The following GAREM1 variants were observed in gnomAD, a reference collection of about 807,000 sequenced individuals.
The protein encoded by GAREM1 is GRB2 associated regulator of MAPK1 subtype 1.
A neutral mutation model predicts 71.3 loss-of-function variants in GAREM1; 26 were observed. The observed-to-expected ratio is 0.36, with a 90% CI of 0.27 to 0.51. The LOEUF is 0.51. GAREM1 is among the 20% of genes least tolerant of loss of function. The pLI is 0.95. For missense variants in GAREM1, 1,026 were observed against 1,103.1 expected, an observed-to-expected ratio of 0.93 and a Z score of 0.99; for synonymous variants, 440 against 433.2, an observed-to-expected ratio of 1.02 and a Z score of -0.20.
chr18:32,270,299 G>A lies in GAREM1; in HGVS notation c.1651C>T (p.Pro551Ser), dbSNP rs777824584. The change falls in exon 5 of 6, where the codon CCT becomes TCT. Residue 551 changes from proline (P) to serine (S), a missense_variant. Coordinates refer to ENST00000269209, the MANE Select transcript of GAREM1 (RefSeq NM_001242409.2). Reference sequence around the variant, plus strand: ...TGCCGCGCTGGCTTGACTGTGCGAGGAGGGATGGAGGGACTGGTGGACAAA... The same window carrying A: ...TGCCGCGCTGGCTTGACTGTGCGAGAAGGGATGGAGGGACTGGTGGACAAA... Reference protein sequence around the residue: ...KPLSTSPSIPPRTVKPARQQT... With the variant: ...KPLSTSPSIPSRTVKPARQQT... 5.6e-6 allele frequency: 9 copies of A among 1,614,062 alleles called. No homozygotes were observed. The East Asian group carries it at 1.6e-4, about 28-fold the overall frequency.
At chr18:32,432,057 A>T (rs961106511) in intron 1 of GAREM1, among the ~76,000 whole-genome samples, 3 of 152,204 alleles carry the variant, frequency 2.0e-5, no homozygotes, top group Non-Finnish European at 4.4e-5. Flanking sequence ...AAATAAAATA[A>T]TTTAAAAATT....
At chr18:32,275,548 G>A (rs2041528916) in intron 4 of GAREM1, among the ~76,000 whole-genome samples, 1 of 152,176 alleles carries the variant, frequency 6.6e-6, no homozygotes, top group Admixed American at 6.5e-5. Flanking sequence ...TGATGACAGG[G>A]TCAATGAGCA....
intron 2 of GAREM1, among the ~76,000 whole-genome samples, chr18:32,337,618 G>C (rs2047610099): frequency 6.6e-6 from 1 of 152,168 alleles, no homozygotes; most frequent in Non-Finnish European, 1.5e-5. Context: ...GCAGAATGCA[G>C]AATATTCAAA....
Position 32,287,271 on chromosome 18 carries a change from T to G in GAREM1, c.1326A>C (p.Ser442=). The change falls in exon 4 of 6, where the codon TCA becomes TCC. Residue 442 remains serine, a synonymous_variant. Coordinates refer to ENST00000269209, the MANE Select transcript of GAREM1 (RefSeq NM_001242409.2). This position sits in a 1 kb window ranked among gnomAD's most constrained non-coding sequence, Gnocchi z 5.9. ...DYLFPEASEE[S]AGIPGKSELP... Reference sequence around the variant, plus strand: ...GTTCTGACTTTCCCGGGATGCCTGCTGATTCTTCACTAGCTTCTGGGAAAA... The same window carrying G: ...GTTCTGACTTTCCCGGGATGCCTGCGGATTCTTCACTAGCTTCTGGGAAAA... The G allele has an allele frequency of 6.2e-7, 1 of 1,614,232 alleles. No homozygotes were observed. Among genetic ancestry groups the G allele is most frequent in the Non-Finnish European group, 8.5e-7 (1 of 1,180,040 alleles).
chr18:32,371,417 A>G (rs764636539), intron 2 of GAREM1, among the ~76,000 whole-genome samples: 8 of 152,226 alleles, frequency 5.3e-5, no homozygotes, highest in Non-Finnish European at 1.2e-4. Flanking sequence ...AGGCCCCTAT[A>G]AGTGAAAAAT....
intron 2 of GAREM1, among the ~76,000 whole-genome samples, chr18:32,336,697 A>C (rs1051148408): frequency 2.0e-5 from 3 of 152,132 alleles, no homozygotes; most frequent in Non-Finnish European, 2.9e-5. Flanking sequence ...CCACTCAAAC[A>C]CTCTGATGGA....
chr18:32,411,959 T>G (rs2048423019), intron 1 of GAREM1, among the ~76,000 whole-genome samples: 1 of 152,014 alleles, frequency 6.6e-6, no homozygotes, highest in Non-Finnish European at 1.5e-5. Context: ...AAAAAAAATC[T>G]ACATTAAAAC....
intron 3 of GAREM1, among the ~76,000 whole-genome samples, chr18:32,295,894 A>T (rs1234228106): frequency 6.6e-6 from 1 of 152,076 alleles, no homozygotes; most frequent in Non-Finnish European, 1.5e-5. Flanking sequence ...TTCGGTATTC[A>T]TCTGGTTCTA....
intron 1 of GAREM1, among the ~76,000 whole-genome samples, chr18:32,462,533 G>A (rs1023471486): frequency 1.3e-5 from 2 of 152,144 alleles, no homozygotes; most frequent in African/African-American, 4.8e-5. Context: ...TACATAGTTT[G>A]CAAATATTTT....
chr18:32,410,772 A>T (rs942590191), intron 1 of GAREM1, among the ~76,000 whole-genome samples: 1 of 152,230 alleles, frequency 6.6e-6, no homozygotes, highest in South Asian at 2.1e-4. Flanking sequence ...CTGTATAGAT[A>T]GAAGTCTCTC....
chr18:32,388,808 G>C (rs1157342778), intron 2 of GAREM1, among the ~76,000 whole-genome samples: 1 of 152,220 alleles, frequency 6.6e-6, no homozygotes, highest in Non-Finnish European at 1.5e-5. Flanking sequence ...AGTGGTCCTA[G>C]ACTGGATGTT....
intron 2 of GAREM1, among the ~76,000 whole-genome samples, chr18:32,355,899 C>T (rs2047800486): frequency 6.6e-6 from 1 of 152,146 alleles, no homozygotes; most frequent in Non-Finnish European, 1.5e-5. Context: ...TTAGAGAAGG[C>T]TTATTTTAGA....
chr18:32,288,285 T>TAC (rs2047047784), intron 3 of GAREM1, 82 bp from the exon 4 acceptor site: 10 of 1,106,804 alleles, frequency 9.0e-6, no homozygotes, highest in African/African-American at 3.1e-5. Flanking sequence ...CACACACAAA[T>TAC]ACACACACAG....
At chr18:32,324,792 A>G (rs2047460103) in intron 2 of GAREM1, among the ~76,000 whole-genome samples, 1 of 152,230 alleles carries the variant, frequency 6.6e-6, no homozygotes, top group Non-Finnish European at 1.5e-5. Context: ...CCATGAAAAG[A>G]CATGGGGGAA....
In GAREM1 at chr18:32,268,321, G is replaced by C; in HGVS notation, c.2181C>G (p.Pro727=). The C allele has an allele frequency of 1.9e-6, 3 of 1,614,098 alleles. No homozygotes were observed. Among genetic ancestry groups the C allele is most frequent in the Admixed American group, 3.3e-5 (2 of 60,014 alleles). ...KQSTSCPALP[P]RAPKLVEEKV... is the part of the protein sequence containing the mutation. Reference sequence around the variant, plus strand: ...TCTCTTCCACTAGTTTTGGAGCCCTGGGGGGTAAGGCAGGGCATGACGTAC... The same window carrying C: ...TCTCTTCCACTAGTTTTGGAGCCCTCGGGGGTAAGGCAGGGCATGACGTAC... Residue 727 remains proline, a synonymous_variant, in exon 6 of 6, where the codon CCC becomes CCG. Transcript: ENST00000269209.
At chr18:32,273,957 G>A (rs1354813654) in intron 4 of GAREM1, among the ~76,000 whole-genome samples, 1 of 152,084 alleles carries the variant, frequency 6.6e-6, no homozygotes, top group African/African-American at 2.4e-5. Context: ...GACTTTAAAG[G>A]TACTCCATTC....
At chr18:32,408,961 T>C (rs150866663) in intron 1 of GAREM1, among the ~76,000 whole-genome samples, 6 of 152,278 alleles carry the variant, frequency 3.9e-5, no homozygotes, top group Non-Finnish European at 8.8e-5. Context: ...GTGTAAAATG[T>C]TTAGAAAAGT....
chr18:32,355,657 T>C (rs2047797665), intron 2 of GAREM1, among the ~76,000 whole-genome samples: 1 of 152,172 alleles, frequency 6.6e-6, no homozygotes, highest in Non-Finnish European at 1.5e-5. Context: ...ACGGGGGAAC[T>C]TGGACTTTTT....
At chr18:32,463,966 AAAT>A (rs1310968205) in intron 1 of GAREM1, among the ~76,000 whole-genome samples, 1 of 150,724 alleles carries the variant, frequency 6.6e-6, no homozygotes, top group Non-Finnish European at 1.5e-5. Flanking sequence ...CCATCAGTGA[AAAT>A]AATGATGAGT....
Sources: gnomAD v4.1 joint callset for allele counts (sites outside exome capture counted in the v4.1 genomes callset) on GRCh38, gnomAD v4.1.1 for gene constraint, Gnocchi (gnomAD v3.1) non-coding constraint, MANE v1.5 for transcripts, NCBI Gene and HGNC (gene_info 2026-07-23, HGNC 2026-07-21) for gene names.